Variants in RPP21 observed in about 807,000 individuals in gnomAD.
RPP21 encodes ribonuclease P subunit p21.
RPP21 carries 21 observed loss-of-function variants against 19.0 expected under a neutral mutation model. The ratio of observed to expected loss-of-function variants is 1.11; its 90% confidence interval spans 0.78 to 1.59. The LOEUF (loss-of-function observed/expected upper bound fraction) is 1.59, where lower values mean the gene tolerates loss of function less well. Ranked by LOEUF, RPP21 falls within the 40% of genes most tolerant of loss-of-function variation. RPP21 has a pLI of 0.00. For synonymous variants in RPP21, 93 were observed against 78.7 expected (o/e 1.18, Z -0.96); for missense variants, 215 against 200.2 (o/e 1.07, Z -0.45).
rs1316861639 is a variant in RPP21, at chr6:30,346,836, A to G, written c.*26A>G. 7.4e-6 allele frequency: 12 copies of G among 1,611,228 alleles called. No individual in the cohort carries two copies. The highest frequency in any genetic ancestry group is 1.6e-4 in the Middle Eastern group (1 of 6,078). ...TGGATTCACCCCATCTCCCAAATAA[A>G]GTTTACTTGTTTTACATTCCATGAT... On this transcript the variant is annotated 3_prime_UTR_variant, in exon 5 of 5. Coordinates refer to ENST00000442966, the MANE Select transcript of RPP21 (RefSeq NM_024839.4). This position sits in a 1 kb window ranked among gnomAD's most constrained non-coding sequence, Gnocchi z 4.7.
In RPP21 at chr6:30,345,726, G is replaced by T. The variant is rs553248998; in HGVS notation, c.241+153G>T. ...CAGGAGTCTTCCTTCTTCGGGTTTG[G>T]ATTAAGTTCCTAACGCCACTTGCAC... is the stretch of plus-strand genomic sequence containing the variant. On this transcript the variant is annotated intron_variant, in intron 3 of 4. Coordinates refer to ENST00000442966, the MANE Select transcript of RPP21 (RefSeq NM_024839.4). 2.5e-4 allele frequency: 235 copies of T among 956,164 alleles called. No homozygotes were observed. The South Asian group carries it at 4.2e-3, about 17-fold the overall frequency. The allele number at this position is 956,164 out of a possible 1,614,324, so 59.2% of individuals were successfully genotyped here.
In RPP21 at chr6:30,346,846, T is replaced by G. The variant is rs1347412117; in HGVS notation, c.*36T>G. 1 of 1,608,336 alleles carries G rather than the reference T, an allele frequency of 6.2e-7. No individual in the cohort carries two copies. Among genetic ancestry groups the G allele is most frequent in the South Asian group, 1.1e-5 (1 of 90,888 alleles). ...CCATCTCCCAAATAAAGTTTACTTG[T>G]TTTACATTCCATGATTCTGTTCTGT... On this transcript the variant is annotated 3_prime_UTR_variant, in exon 5 of 5. Transcript: ENST00000442966. This position sits in a 1 kb window ranked among gnomAD's most constrained non-coding sequence, Gnocchi z 4.7.
In RPP21 at chr6:30,345,192, C is replaced by G; in HGVS notation, c.21C>G (p.Asp7Glu). MAGPVK[D>E]REAFQRLNFL... is the part of the protein sequence containing the mutation. ...CGGTGATGGCGGGGCCGGTGAAGGA[C>G]CGCGAGGCCTTCCAGAGGCTCAACT... The change falls in exon 1 of 5, where the codon GAC (aspartate) becomes GAG (glutamate). Residue 7 changes from aspartate (D) to glutamate (E), a missense_variant. Coordinates refer to ENST00000442966, the MANE Select transcript of RPP21 (RefSeq NM_024839.4). 3 of 1,573,028 alleles carry G rather than the reference C, an allele frequency of 1.9e-6. No homozygotes were observed. The highest frequency in any genetic ancestry group is 2.6e-6 in the Non-Finnish European group (3 of 1,159,880).
rs1383911062 is a variant in RPP21 at position 30,346,400 on chromosome 6, C to T, written c.242-32C>T. The T allele has an allele frequency of 1.2e-6, 2 of 1,600,978 alleles. No homozygotes were observed. Among genetic ancestry groups the T allele is most frequent in the South Asian group, 1.1e-5 (1 of 90,604 alleles). On this transcript the variant is annotated intron_variant, in intron 3 of 4. Coordinates refer to ENST00000442966, the MANE Select transcript of RPP21 (RefSeq NM_024839.4). This position sits in a 1 kb window ranked among gnomAD's most constrained non-coding sequence, Gnocchi z 4.7. Reference sequence around the variant, plus strand: ...GCAGCAAGAGACCGTTACTTCTAAACGTGGACAGTCTTTTTCCCATGTTCA... The same window carrying T: ...GCAGCAAGAGACCGTTACTTCTAAATGTGGACAGTCTTTTTCCCATGTTCA...
chr6:30,345,626 G>T, intron 3 of RPP21, 53 bp downstream of exon 3: 1 of 1,393,338 alleles, frequency 7.2e-7, no homozygotes. Flanking sequence ...GCGCGGAGGG[G>T]GGCGGGGTGG....
In RPP21 at chr6:30,345,195, C is replaced by T. The variant is rs752172126; in HGVS notation, c.24C>T (p.Arg8=). The T allele has an allele frequency of 4.6e-5, 73 of 1,576,426 alleles. 1 individual carries two copies. In the East Asian group the frequency reaches 1.3e-3, roughly 28 times the overall value. MAGPVKD[R]EAFQRLNFLY... is the part of the protein sequence containing the mutation. ...TGATGGCGGGGCCGGTGAAGGACCG[C>T]GAGGCCTTCCAGAGGCTCAACTTCC... is the stretch of plus-strand genomic sequence containing the variant. The change falls in exon 1 of 5, where the codon CGC becomes CGT. Residue 8 remains arginine (R), a synonymous_variant. Transcript: ENST00000442966.
rs17194859 is a variant in RPP21 at position 30,346,283 on chromosome 6, T to G, written c.242-149T>G. 48,343 of 1,340,162 alleles carry G rather than the reference T, an allele frequency of 0.036. 1,063 individuals carry two copies. The highest frequency in any genetic ancestry group is 0.071 in the South Asian group (4,693 of 66,192). 83.0% of individuals were successfully genotyped at this position (1,340,162 alleles called of 1,614,324 possible). A position where few individuals can be genotyped will look rare whatever the true frequency, so the allele number is the denominator to read the frequency against. ...AGTTCCAGGAAATCGATGGAGCTTA[T>G]GCCGAGGCCTGACACCATCAAATGT... On this transcript the variant is annotated intron_variant, in intron 3 of 4. Transcript: ENST00000442966. This position sits in a 1 kb window ranked among gnomAD's most constrained non-coding sequence, Gnocchi z 4.7.
Position 30,346,289 on chromosome 6 carries a change from GGCCTGACACCATCAAATGT to G in RPP21, c.242-140_242-122del. 7.1e-7 allele frequency: 1 copy of G among 1,400,608 alleles called. No individual in the cohort carries two copies. Among genetic ancestry groups the G allele is most frequent in the South Asian group, 1.4e-5 (1 of 70,648 alleles). The allele number at this position is 1,400,608 out of a possible 1,614,324, so 86.8% of individuals were successfully genotyped here. Reference sequence around the variant, plus strand: ...AGGAAATCGATGGAGCTTATGCCGAGGCCTGACACCATCAAATGTGCATTCAAATTGGGGGTGTGGTGGG... The same window carrying G: ...AGGAAATCGATGGAGCTTATGCCGAGGCATTCAAATTGGGGGTGTGGTGGG... On this transcript the variant is annotated intron_variant, in intron 3 of 4. Coordinates refer to ENST00000442966, the MANE Select transcript of RPP21 (RefSeq NM_024839.4). The surrounding 1 kb of genome is among the most constrained non-coding windows in gnomAD (Gnocchi z 4.7).
chr6:30,345,184 G>A lies in RPP21; in HGVS notation c.13G>A (p.Val5Met). The change falls in exon 1 of 5, where the codon GTG (valine) becomes ATG (methionine). Residue 5 changes from valine to methionine, a missense_variant. By Grantham distance (21) the Val-to-Met change is conservative. Transcript: ENST00000442966. Reference sequence around the variant, plus strand: ...GAGCGCGGCGGTGATGGCGGGGCCGGTGAAGGACCGCGAGGCCTTCCAGAG... The same window carrying A: ...GAGCGCGGCGGTGATGGCGGGGCCGATGAAGGACCGCGAGGCCTTCCAGAG... The part of the protein sequence containing the change: MAGP[V>M]KDREAFQRLN... 6.4e-7 allele frequency: 1 copy of A among 1,566,376 alleles called. No individual in the cohort carries two copies. Among genetic ancestry groups the A allele is most frequent in the Middle Eastern group, 1.7e-4 (1 of 6,002 alleles).
chr6:30,346,474 G>C lies in RPP21; in HGVS notation c.284G>C (p.Cys95Ser), dbSNP rs1788159090. 6.2e-7 allele frequency: 1 copy of C among 1,613,998 alleles called. No individual in the cohort carries two copies. Among genetic ancestry groups the C allele is most frequent in the Non-Finnish European group, 8.5e-7 (1 of 1,180,036 alleles). The change falls in exon 4 of 5, where the codon TGC (cysteine) becomes TCC (serine). Residue 95 changes from cysteine (C) to serine (S), a missense_variant. Coordinates refer to ENST00000442966, the MANE Select transcript of RPP21 (RefSeq NM_024839.4). This position sits in a 1 kb window ranked among gnomAD's most constrained non-coding sequence, Gnocchi z 4.7. ...QRWTVQTCLT[C>S]QRSQRFLNDP... ...TGGACCGTACAGACCTGCCTAACAT[G>C]CCAGCGCAGCCAACGCTTCCTCAAT...
chr6:30,346,801 T>C lies in RPP21; in HGVS notation c.456T>C (p.Ser152=), dbSNP rs755516437. Residue 152 remains serine (S), a synonymous_variant, in exon 5 of 5, where the codon AGT becomes AGC. Transcript: ENST00000442966. This position sits in a 1 kb window ranked among gnomAD's most constrained non-coding sequence, Gnocchi z 4.7. ...AGAAAATGCAGACTCAGGGTTCCAG[T>C]AACCAGTGATGGATTCACCCCATCT... ...PEEKMQTQGS[S]NQ 1.1e-5 allele frequency: 18 copies of C among 1,613,078 alleles called. No homozygotes were observed. The highest frequency in any genetic ancestry group is 1.4e-5 in the Non-Finnish European group (16 of 1,180,034).
chr6:30,345,637 G>A, intron 3 of RPP21, 64 bp downstream of exon 3: 1 of 1,384,436 alleles, frequency 7.2e-7, no homozygotes, highest in Non-Finnish European at 9.6e-7. Context: ...GGCGGGGTGG[G>A]GGGCGGGCAC....
chr6:30,345,803 A>C, intron 3 of RPP21: 1 of 535,778 alleles, frequency 1.9e-6, no homozygotes. Flanking sequence ...CAGTGTGGGC[A>C]ATAAATAATA....
In RPP21 at chr6:30,345,352, T is replaced by C; in HGVS notation, c.112T>C (p.Tyr38His). The C allele has an allele frequency of 1.2e-6, 2 of 1,613,324 alleles. No homozygotes were observed. Among genetic ancestry groups the C allele is most frequent in the Non-Finnish European group, 1.7e-6 (2 of 1,179,894 alleles). ...CGAGAACCAGGCGCTGGCGAGGTTT[T>C]ACTGCTACACTGAGAGGACCATTGC... ...DPENQALARF[Y>H]CYTERTIAKR... is the part of the protein sequence containing the mutation. Residue 38 changes from tyrosine (Y) to histidine (H), a missense_variant, in exon 2 of 5, where the codon TAC (tyrosine) becomes CAC (histidine). Coordinates refer to ENST00000442966, the MANE Select transcript of RPP21 (RefSeq NM_024839.4).
rs745843612 is a variant in RPP21 at position 30,345,416 on chromosome 6, C to A, written c.158+18C>A. 1.9e-6 allele frequency: 3 copies of A among 1,611,266 alleles called. No homozygotes were observed. The highest frequency in any genetic ancestry group is 1.7e-5 in the Admixed American group (1 of 59,894). ...TTGCGGCGGTGAGACAGCCACGGGGCGGGCGGCGGGCGGGACGCGGGAGGA... is the reference window on the plus strand; with the variant it reads ...TTGCGGCGGTGAGACAGCCACGGGGAGGGCGGCGGGCGGGACGCGGGAGGA... On this transcript the variant is annotated intron_variant, in intron 2 of 4. Transcript: ENST00000442966.
rs775574122 is a variant in RPP21 at position 30,346,443 on chromosome 6, C to A, written c.253C>A (p.Gln85Lys). 33 of 1,613,646 alleles carry A rather than the reference C, an allele frequency of 2.0e-5. No homozygotes were observed. ...CTQRQRRCRG[Q>K]RWTVQTCLTC... ...CATGTTCACCCTAGGCTGCAGGGGA[C>A]AGCGCTGGACCGTACAGACCTGCCT... Residue 85 changes from glutamine (Q) to lysine (K), a missense_variant, in exon 4 of 5, where the codon CAG (glutamine) becomes AAG (lysine). Physicochemically the swap from Gln to Lys is moderately conservative, Grantham distance 53. Coordinates refer to ENST00000442966, the MANE Select transcript of RPP21 (RefSeq NM_024839.4). This position sits in a 1 kb window ranked among gnomAD's most constrained non-coding sequence, Gnocchi z 4.7.
chr6:30,345,635 G>A, intron 3 of RPP21, 62 bp downstream of exon 3: 4 of 1,380,130 alleles, frequency 2.9e-6, no homozygotes, highest in Non-Finnish European at 3.9e-6. Flanking sequence ...GGGGCGGGGT[G>A]GGGGGCGGGC....
At position 30,346,718 on chromosome 6, in the gene RPP21, A is replaced by G. The variant is rs139794282; in HGVS notation, c.373A>G (p.Lys125Glu). Residue 125 changes from lysine (K) to glutamate (E), a missense_variant, in exon 5 of 5, where the codon AAA (lysine) becomes GAA (glutamate). Transcript: ENST00000442966. This position sits in a 1 kb window ranked among gnomAD's most constrained non-coding sequence, Gnocchi z 4.7. ...EAQLGSQADSKPLQPLPNTAH... is the reference protein window; with the variant it reads ...EAQLGSQADSEPLQPLPNTAH... Reference sequence around the variant, plus strand: ...GATTCTGCTCATTTACTCAGATTCCAAACCACTACAACCCTTGCCAAACAC... The same window carrying G: ...GATTCTGCTCATTTACTCAGATTCCGAACCACTACAACCCTTGCCAAACAC... 2 of 1,613,558 alleles carry G rather than the reference A, an allele frequency of 1.2e-6. No homozygotes were observed. Among genetic ancestry groups the G allele is most frequent in the Non-Finnish European group, 1.7e-6 (2 of 1,180,024 alleles).
rs199499005 is a variant in RPP21 at position 30,345,181 on chromosome 6, C to T, written c.10C>T (p.Pro4Ser). Residue 4 changes from proline (P) to serine (S), a missense_variant, in exon 1 of 5, where the codon CCG becomes TCG. Pro to Ser is a moderately conservative substitution (Grantham distance 74). Coordinates refer to ENST00000442966, the MANE Select transcript of RPP21 (RefSeq NM_024839.4). MAG[P>S]VKDREAFQRL... ...CTGGAGCGCGGCGGTGATGGCGGGG[C>T]CGGTGAAGGACCGCGAGGCCTTCCA... 3.9e-3 allele frequency: 6,154 copies of T among 1,563,454 alleles called. 22 individuals carry two copies. Among genetic ancestry groups the T allele is most frequent in the Non-Finnish European group, 4.8e-3 (5,561 of 1,155,440 alleles).
Sources: gnomAD v4.1 joint callset for allele counts on GRCh38, gnomAD v4.1.1 for gene constraint, Gnocchi (gnomAD v3.1) non-coding constraint, MANE v1.5 for transcripts, NCBI Gene and HGNC (gene_info 2026-07-23, HGNC 2026-07-21) for gene names.